The following KCNQ3 variants were observed in gnomAD, a reference collection of about 807,000 sequenced individuals.
The protein encoded by KCNQ3 is potassium voltage-gated channel subfamily KQT member 3.
A neutral mutation model predicts 92.5 loss-of-function variants in KCNQ3; 30 were observed. The observed-to-expected ratio is 0.32, with a 90% CI of 0.24 to 0.44. The LOEUF (loss-of-function observed/expected upper bound fraction) is 0.44, where lower values mean the gene tolerates loss of function less well. KCNQ3 is among the 20% of genes least tolerant of loss of function. KCNQ3 has a pLI of 1.00. For synonymous variants in KCNQ3, 450 were observed against 468.8 expected (o/e 0.96, Z 0.52); for missense variants, 913 against 1,140.3 (o/e 0.80, Z 2.87).
At position 132,474,190 on chromosome 8, in the gene KCNQ3, A is replaced by C. The variant is rs561518216; in HGVS notation, c.386+5957T>G. On this transcript the variant is annotated intron_variant, in intron 1 of 14. Coordinates refer to ENST00000388996, the MANE Select transcript of KCNQ3 (RefSeq NM_004519.4). Reference sequence around the variant, plus strand: ...ACAGTCACAGTGTCAGGTATGTATGACTTTTAAGGAGATCCCTATTCAGAA... The same window carrying C: ...ACAGTCACAGTGTCAGGTATGTATGCCTTTTAAGGAGATCCCTATTCAGAA... 4.7e-4 allele frequency among the ~76,000 whole-genome samples: 71 copies of C among 152,288 alleles called. No homozygotes were observed. The South Asian group carries it at 7.9e-3, about 17-fold the overall frequency.
At chr8:132,422,090 T>C (rs1820981722) in intron 1 of KCNQ3, among the ~76,000 whole-genome samples, 1 of 152,134 alleles carries the variant, frequency 6.6e-6, no homozygotes, top group Admixed American at 6.5e-5. Flanking sequence ...ACACCAACAA[T>C]GACTGCCTGC....
chr8:132,443,157 T>C (rs999632409), intron 1 of KCNQ3, among the ~76,000 whole-genome samples: 1 of 151,746 alleles, frequency 6.6e-6, no homozygotes, highest in Non-Finnish European at 1.5e-5. Context: ...AGGGAGGGGG[T>C]CGGGGAGGAC....
At chr8:132,362,884 A>T (rs556249925) in intron 1 of KCNQ3, among the ~76,000 whole-genome samples, 1 of 152,134 alleles carries the variant, frequency 6.6e-6, no homozygotes, top group Non-Finnish European at 1.5e-5. Context: ...TAATGGGGCG[A>T]GGGCGGCGTG....
At position 132,129,356 on chromosome 8, in the gene KCNQ3, G is replaced by A. The variant is rs202163980; in HGVS notation, c.2525C>T (p.Thr842Met). The A allele has an allele frequency of 1.5e-5, 24 of 1,614,230 alleles. No homozygotes were observed. The highest frequency in any genetic ancestry group is 1.2e-5 in the Non-Finnish European group (14 of 1,180,038). The change falls in exon 15 of 15, where the codon ACG becomes ATG. Residue 842 changes from threonine (T) to methionine (M), a missense_variant. Transcript: ENST00000388996. This position sits in a 1 kb window ranked among gnomAD's most constrained non-coding sequence, Gnocchi z 5.9. ...GGAGCCGCTGGGCGTGAAGGGGTCC[G>A]TGTCTGTGTCCGTCTCACCCTCGGC... ...YLAEGETDTD[T>M]DPFTPSGSMP...
intron 1 of KCNQ3, among the ~76,000 whole-genome samples, chr8:132,273,841 A>G (rs1187438739): frequency 6.6e-6 from 1 of 152,224 alleles, no homozygotes; most frequent in Non-Finnish European, 1.5e-5. Context: ...TTGCTAAAAC[A>G]TAACAAAAAT....
chr8:132,193,665 T>C (rs549407060), intron 1 of KCNQ3, among the ~76,000 whole-genome samples: 7 of 152,306 alleles, frequency 4.6e-5, no homozygotes, highest in African/African-American at 1.7e-4. Context: ...GGTGAAAACA[T>C]TGATGCAGGA....
chr8:132,364,681 ACGGACG>A (rs1407954695), intron 1 of KCNQ3, among the ~76,000 whole-genome samples: 6 of 126,970 alleles, frequency 4.7e-5, no homozygotes, highest in African/African-American at 2.0e-4. Flanking sequence ...GGACGGACGG[ACGGACG>A]GACGGACGGA....
At chr8:132,197,605 T>C (rs1827334766) in intron 1 of KCNQ3, among the ~76,000 whole-genome samples, 1 of 152,196 alleles carries the variant, frequency 6.6e-6, no homozygotes. Flanking sequence ...CATCTCCAGA[T>C]GTTTTCTCTT....
rs1772284380 is a variant in KCNQ3, at chr8:132,282,064, T to C, written c.387-95883A>G. 3.3e-5 allele frequency among the ~76,000 whole-genome samples: 5 copies of C among 152,184 alleles called. No homozygotes were observed. In the South Asian group the frequency reaches 1.0e-3, roughly 31 times the overall value. On this transcript the variant is annotated intron_variant, in intron 1 of 14. Coordinates refer to ENST00000388996, the MANE Select transcript of KCNQ3 (RefSeq NM_004519.4). ...TGCACCATGATTTTGCTAACTATAC[T>C]GGCCCATCACATATGCTCCTAAAGC...
chr8:132,456,584 A>G (rs1273715619), intron 1 of KCNQ3, among the ~76,000 whole-genome samples: 1 of 150,110 alleles, frequency 6.7e-6, no homozygotes, highest in Non-Finnish European at 1.5e-5. Flanking sequence ...AAGCAATGTT[A>G]GCTTTCTATT....
chr8:132,354,934 G>A (rs1213041075), intron 1 of KCNQ3, among the ~76,000 whole-genome samples: 8 of 152,152 alleles, frequency 5.3e-5, no homozygotes, highest in African/African-American at 1.9e-4. Flanking sequence ...CAACATCCCA[G>A]CAGCCTTCCT....
intron 1 of KCNQ3, among the ~76,000 whole-genome samples, chr8:132,234,320 T>TA (rs1306396358): frequency 3.4e-5 from 5 of 148,412 alleles, no homozygotes; most frequent in Admixed American, 3.4e-4. Flanking sequence ...AAACTGTGCA[T>TA]AATTCTGTCC....
In KCNQ3 at chr8:132,278,152, T is replaced by C. The variant is rs539946370; in HGVS notation, c.387-91971A>G. On this transcript the variant is annotated intron_variant, in intron 1 of 14. Coordinates refer to ENST00000388996, the MANE Select transcript of KCNQ3 (RefSeq NM_004519.4). ...TAACTAGAGAATCCCCATTTTGTAC[T>C]CTGGAAATTTACAACCCAGAGATGT... 4 of 985,354 alleles carry C rather than the reference T, an allele frequency of 4.1e-6. No homozygotes were observed. The East Asian group carries it at 4.5e-4, about 112-fold the overall frequency. 61.0% of individuals were successfully genotyped at this position (985,354 alleles called of 1,614,324 possible).
intron 9 of KCNQ3, among the ~76,000 whole-genome samples, chr8:132,153,790 T>A (rs1323703182): frequency 1.3e-5 from 2 of 151,930 alleles, no homozygotes; most frequent in Non-Finnish European, 2.9e-5. Context: ...GTGGCACCCT[T>A]CATGGTCACC....
chr8:132,187,701 A>AGTG (rs375123348), intron 1 of KCNQ3, among the ~76,000 whole-genome samples: 3 of 65,546 alleles, frequency 4.6e-5, no homozygotes, highest in Non-Finnish European at 9.3e-5. Flanking sequence ...TTGTGATGAT[A>AGTG]GTGGTGGTGG....
At chr8:132,379,522 C>T (rs373644764) in intron 1 of KCNQ3, among the ~76,000 whole-genome samples, 1 of 152,288 alleles carries the variant, frequency 6.6e-6, no homozygotes, top group South Asian at 2.1e-4. Context: ...CACTGATGCC[C>T]ACATCCCACA....
At chr8:132,168,012 T>C (rs1240719657) in intron 8 of KCNQ3, among the ~76,000 whole-genome samples, 3 of 152,330 alleles carry the variant, frequency 2.0e-5, no homozygotes, top group Middle Eastern at 3.4e-3. Context: ...AATGGAAACA[T>C]GTAAGTCATG....
chr8:132,286,143 TGGAAATGTAAGGTTG>T (rs1816674199), intron 1 of KCNQ3, among the ~76,000 whole-genome samples: 1 of 152,098 alleles, frequency 6.6e-6, no homozygotes, highest in Non-Finnish European at 1.5e-5. Context: ...TTATACCCAA[TGGAAATGTAAGGTTG>T]GGGCCACTGT....
chr8:132,333,579 T>G (rs925388992), intron 1 of KCNQ3, among the ~76,000 whole-genome samples: 5 of 152,088 alleles, frequency 3.3e-5, no homozygotes, highest in African/African-American at 1.2e-4. Flanking sequence ...AAACCAACCA[T>G]TTTTAGTATT....
Sources: gnomAD v4.1 joint callset for allele counts (sites outside exome capture counted in the v4.1 genomes callset) on GRCh38, gnomAD v4.1.1 for gene constraint, Gnocchi (gnomAD v3.1) non-coding constraint, MANE v1.5 for transcripts, NCBI Gene and HGNC (gene_info 2026-07-23, HGNC 2026-07-21) for gene names.